KCNMA1: variants seen among roughly 807,000 people sequenced by gnomAD.
KCNMA1 encodes the protein Calcium-activated potassium channel subunit alpha-1.
KCNMA1 carries 29 observed loss-of-function variants against 140.0 expected under a neutral mutation model. The ratio of observed to expected loss-of-function variants is 0.21; its 90% CI spans 0.15 to 0.28. The LOEUF (loss-of-function observed/expected upper bound fraction) is 0.28. Among genes scored for constraint, KCNMA1 ranks in the 10% least tolerant of loss-of-function variants. The pLI is 1.00. For missense variants in KCNMA1, 880 were observed against 1,602.2 expected, an observed-to-expected ratio of 0.55 and a Z score of 7.70; for synonymous variants, 612 against 611.9, an observed-to-expected ratio of 1.00 and a Z score of 0.00.
At chr10:76,970,100 C>G in intron 19 of KCNMA1, 33 bp from the exon 20 acceptor site, 1 of 1,555,980 alleles carries the variant, frequency 6.4e-7, no homozygotes, top group Non-Finnish European at 8.9e-7. Flanking sequence ...AGATTATGAA[C>G]AGTTTGAGGG....
At chr10:76,932,869 A>G (rs2059622349) in intron 23 of KCNMA1, among the ~76,000 whole-genome samples, 1 of 152,192 alleles carries the variant, frequency 6.6e-6, no homozygotes, top group Admixed American at 6.5e-5. Context: ...GGAAGCATTC[A>G]CAGCTCCCTG....
intron 1 of KCNMA1, among the ~76,000 whole-genome samples, chr10:77,491,692 G>C (rs1211901759): frequency 1.3e-5 from 2 of 148,446 alleles, no homozygotes; most frequent in African/African-American, 5.0e-5. Context: ...CTCACCCTGG[G>C]GGGAAATGGG....
intron 1 of KCNMA1, among the ~76,000 whole-genome samples, chr10:77,628,925 C>A (rs1415256764): frequency 6.6e-6 from 1 of 152,200 alleles, no homozygotes; most frequent in African/African-American, 2.4e-5. Context: ...GGAATTCAGG[C>A]TTTCCTGTGA....
At chr10:77,386,085 A>T (rs2095593429) in intron 2 of KCNMA1, among the ~76,000 whole-genome samples, 1 of 152,218 alleles carries the variant, frequency 6.6e-6, no homozygotes, top group Non-Finnish European at 1.5e-5. Flanking sequence ...AGGAGCACTC[A>T]CTGGGCACTT....
intron 3 of KCNMA1, among the ~76,000 whole-genome samples, chr10:77,186,137 G>C (rs2098847487): frequency 6.6e-6 from 1 of 152,142 alleles, no homozygotes; most frequent in Non-Finnish European, 1.5e-5. Flanking sequence ...GTGCAGTAGA[G>C]GAACTCGGGG....
chr10:77,343,031 C>A (rs2091335469), intron 2 of KCNMA1, among the ~76,000 whole-genome samples: 1 of 152,130 alleles, frequency 6.6e-6, no homozygotes, highest in Non-Finnish European at 1.5e-5. Context: ...CCTCAGGGAT[C>A]TCTCCTGTAG....
At chr10:77,428,973 G>A (rs951320601) in intron 1 of KCNMA1, among the ~76,000 whole-genome samples, 70 of 152,166 alleles carry the variant, frequency 4.6e-4, no homozygotes, top group African/African-American at 1.7e-3. Context: ...ACCCAGGAAA[G>A]GGAGACTAAA....
chr10:77,349,080 T>C (rs575392183), intron 2 of KCNMA1, among the ~76,000 whole-genome samples: 1 of 152,254 alleles, frequency 6.6e-6, no homozygotes, highest in Non-Finnish European at 1.5e-5. Flanking sequence ...CTCCTTGCTA[T>C]GCTCTGAATG....
chr10:77,548,050 T>A (rs1018587519), intron 1 of KCNMA1, among the ~76,000 whole-genome samples: 1 of 151,978 alleles, frequency 6.6e-6, no homozygotes, highest in African/African-American at 2.4e-5. Flanking sequence ...AACTTTCAGA[T>A]GTAGTTAGGC....
At chr10:77,080,602 A>G (rs2096541093) in intron 12 of KCNMA1, among the ~76,000 whole-genome samples, 1 of 152,096 alleles carries the variant, frequency 6.6e-6, no homozygotes, top group African/African-American at 2.4e-5. Flanking sequence ...GGGCATGAAA[A>G]ATTTGAGGGC....
chr10:77,200,014 G>A (rs777310173), intron 3 of KCNMA1, among the ~76,000 whole-genome samples: 16 of 152,060 alleles, frequency 1.1e-4, no homozygotes, highest in Non-Finnish European at 2.2e-4. Flanking sequence ...GCAGTGGTGC[G>A]ATCTTGGCTC....
intron 1 of KCNMA1, among the ~76,000 whole-genome samples, chr10:77,432,266 TAATC>T (rs1778181252): frequency 6.6e-6 from 1 of 152,210 alleles, no homozygotes; most frequent in Admixed American, 6.5e-5. Flanking sequence ...TTCCTTCACT[TAATC>T]AGTCACTTAT....
intron 2 of KCNMA1, among the ~76,000 whole-genome samples, chr10:77,270,262 G>A (rs2064641782): frequency 6.6e-6 from 1 of 152,114 alleles, no homozygotes; most frequent in South Asian, 2.1e-4. Flanking sequence ...GCAAAATGGG[G>A]GTTGTGTTCA....
At chr10:77,344,788 T>C (rs1001549734) in intron 2 of KCNMA1, among the ~76,000 whole-genome samples, 5 of 152,160 alleles carry the variant, frequency 3.3e-5, no homozygotes, top group Admixed American at 1.3e-4. Context: ...ATTGATTTAT[T>C]ATTTTTTTAT....
chr10:77,435,813 C>T (rs1330609162), intron 1 of KCNMA1, among the ~76,000 whole-genome samples: 1 of 152,154 alleles, frequency 6.6e-6, no homozygotes, highest in Admixed American at 6.5e-5. Context: ...CTATGGTCTT[C>T]GGGTTACAAA....
rs144584906 is a variant in KCNMA1, at chr10:77,142,090, G to A, written c.809-21042C>T. ...TGTAAAGAAAAACCCTAAGTAGGCC[G>A]GGCGCAGTGGCTCATGCCTGTAATC... On this transcript the variant is annotated intron_variant, in intron 5 of 27. Coordinates refer to ENST00000286628, the MANE Select transcript of KCNMA1 (RefSeq NM_001161352.2). Among the ~76,000 whole-genome samples the A allele has an allele frequency of 8.0e-3, 1,220 of 152,246 alleles. 15 individuals are homozygous for A. Among genetic ancestry groups the A allele is most frequent in the African/African-American group, 0.028 (1,162 of 41,530 alleles).
chr10:77,113,822 C>T (rs1427685438), intron 6 of KCNMA1, among the ~76,000 whole-genome samples: 1 of 152,132 alleles, frequency 6.6e-6, no homozygotes, highest in Non-Finnish European at 1.5e-5. Context: ...CATGATATTA[C>T]CTACCATCTC....
intron 2 of KCNMA1, among the ~76,000 whole-genome samples, chr10:77,269,662 G>A (rs1414710185): frequency 1.3e-5 from 2 of 152,186 alleles, no homozygotes; most frequent in African/African-American, 4.8e-5. Context: ...CAGCCAATGG[G>A]TGGGATCTTA....
chr10:77,365,528 T>C (rs2094292314), intron 2 of KCNMA1, among the ~76,000 whole-genome samples: 1 of 152,212 alleles, frequency 6.6e-6, no homozygotes, highest in Admixed American at 6.5e-5. Flanking sequence ...GAGGGGTAAC[T>C]TGGAGCAGGT....
Sources: gnomAD v4.1 joint callset for allele counts (sites outside exome capture counted in the v4.1 genomes callset) on GRCh38, gnomAD v4.1.1 for gene constraint, MANE v1.5 for transcripts, NCBI Gene and HGNC (gene_info 2026-07-23, HGNC 2026-07-21) for gene names.